Variants in DLC1 observed in about 807,000 individuals in gnomAD.
DLC1 encodes DLC1 Rho GTPase activating protein, also known as rho GTPase-activating protein 7.
DLC1 carries 54 observed loss-of-function variants against 140.3 expected under a neutral mutation model. The ratio of observed to expected loss-of-function variants is 0.38; its 90% CI spans 0.31 to 0.48. The LOEUF is 0.48. Among genes scored for constraint, DLC1 ranks in the 20% least tolerant of loss-of-function variants. The pLI is 0.96. For missense variants in DLC1, 2,536 were observed against 1,907.0 expected, an observed-to-expected ratio of 1.33 and a Z score of -6.14; for synonymous variants, 986 against 728.1, an observed-to-expected ratio of 1.35 and a Z score of -5.70.
chr8:13,232,634 G>C (rs559153083), intron 5 of DLC1, among the ~76,000 whole-genome samples: 1 of 152,114 alleles, frequency 6.6e-6, no homozygotes, highest in South Asian at 2.1e-4. Flanking sequence ...CCCCGCCTCT[G>C]CTACAGTCTT....
At chr8:13,546,744 A>T (rs1803660639) in intron 1 of DLC1, among the ~76,000 whole-genome samples, 1 of 152,148 alleles carries the variant, frequency 6.6e-6, no homozygotes, top group African/African-American at 2.4e-5. Context: ...TGTCTTAGTA[A>T]ATGGCTCTAA....
intron 2 of DLC1, among the ~76,000 whole-genome samples, chr8:13,488,714 A>C (rs1801090878): frequency 6.6e-6 from 1 of 152,198 alleles, no homozygotes; most frequent in Non-Finnish European, 1.5e-5. Context: ...GTTGAAACCT[A>C]ATTAAGATAT....
At chr8:13,395,653 G>A (rs532242042) in intron 3 of DLC1, among the ~76,000 whole-genome samples, 42 of 152,260 alleles carry the variant, frequency 2.8e-4, no homozygotes, top group African/African-American at 9.6e-4. Context: ...GTAAAATTAT[G>A]TGATCAAAAG....
intron 6 of DLC1, among the ~76,000 whole-genome samples, chr8:13,111,487 C>A (rs1298516692): frequency 6.6e-6 from 1 of 152,126 alleles, no homozygotes; most frequent in Non-Finnish European, 1.5e-5. Flanking sequence ...TCATTCAGTT[C>A]TCTCGAGACA....
chr8:13,431,227 G>A (rs1461586038), intron 2 of DLC1, among the ~76,000 whole-genome samples: 2 of 152,240 alleles, frequency 1.3e-5, no homozygotes, highest in South Asian at 2.1e-4. Flanking sequence ...GCTCACGCCT[G>A]TAATCCCAGC....
intron 4 of DLC1, among the ~76,000 whole-genome samples, chr8:13,388,101 A>G (rs1836602062): frequency 6.6e-6 from 1 of 152,112 alleles, no homozygotes; most frequent in African/African-American, 2.4e-5. Flanking sequence ...GTTGATTAAT[A>G]AATTCCAGAA....
At chr8:13,283,886 C>G (rs1831452524) in intron 5 of DLC1, among the ~76,000 whole-genome samples, 1 of 152,118 alleles carries the variant, frequency 6.6e-6, no homozygotes, top group African/African-American at 2.4e-5. Flanking sequence ...GACAGAGTAT[C>G]AAAGAAGATG....
intron 2 of DLC1, among the ~76,000 whole-genome samples, chr8:13,466,250 C>T (rs1414362523): frequency 1.3e-5 from 2 of 152,226 alleles, no homozygotes; most frequent in Admixed American, 1.3e-4. Context: ...TGCTACCTAC[C>T]TGCTCGCTGA....
chr8:13,313,539 G>T (rs1832760758), intron 4 of DLC1, among the ~76,000 whole-genome samples: 1 of 152,100 alleles, frequency 6.6e-6, no homozygotes, highest in South Asian at 2.1e-4. Context: ...AAAGGAAATT[G>T]CTGCATGGGA....
At chr8:13,144,350 T>C (rs892197000) in intron 5 of DLC1, among the ~76,000 whole-genome samples, 3 of 152,202 alleles carry the variant, frequency 2.0e-5, no homozygotes, top group African/African-American at 7.2e-5. Flanking sequence ...TCAGATTCCT[T>C]GGTTCTGAGG....
intron 1 of DLC1, among the ~76,000 whole-genome samples, chr8:13,502,607 C>G (rs1037973503): frequency 2.6e-5 from 4 of 152,096 alleles, no homozygotes; most frequent in African/African-American, 9.7e-5. Context: ...GTTTATAGGT[C>G]TCATTTCCTA....
At chr8:13,296,304 G>T (rs1314193372) in intron 5 of DLC1, among the ~76,000 whole-genome samples, 1 of 151,976 alleles carries the variant, frequency 6.6e-6, no homozygotes, top group African/African-American at 2.4e-5. Context: ...TGATAAAATG[G>T]ATACAAAAGG....
At chr8:13,332,193 A>G (rs1038272613) in intron 4 of DLC1, among the ~76,000 whole-genome samples, 1 of 152,232 alleles carries the variant, frequency 6.6e-6, no homozygotes, top group South Asian at 2.1e-4. Context: ...TTTGAAAATC[A>G]TTGTAAAGTG....
At chr8:13,154,987 G>A (rs887487335) in intron 5 of DLC1, among the ~76,000 whole-genome samples, 9 of 151,946 alleles carry the variant, frequency 5.9e-5, no homozygotes, top group South Asian at 2.1e-4. Flanking sequence ...TGAAACTTTC[G>A]TATATGAGGT....
chr8:13,126,365 C>CCACACACACA (rs974648895), intron 5 of DLC1, among the ~76,000 whole-genome samples: 100 of 106,576 alleles, frequency 9.4e-4, no homozygotes, highest in African/African-American at 4.7e-3. Context: ...ATCTCTCTAT[C>CCACACACACA]CATACACACA....
intron 1 of DLC1, among the ~76,000 whole-genome samples, chr8:13,541,909 T>A (rs1003803528): frequency 4.6e-5 from 7 of 152,170 alleles, no homozygotes; most frequent in African/African-American, 1.4e-4. Flanking sequence ...TTTACCCAAT[T>A]TTCTACTTGG....
At chr8:13,092,567 T>A (rs907762073) in intron 13 of DLC1, 45 bp downstream of exon 13, 8 of 1,578,342 alleles carry the variant, frequency 5.1e-6, no homozygotes, top group Non-Finnish European at 6.0e-6. Flanking sequence ...CTAGGAAGAA[T>A]GTAGGCTGCC....
intron 10 of DLC1, 169 bp from the exon 11 acceptor site, chr8:13,095,414 G>T: frequency 2.6e-6 from 2 of 769,012 alleles, no homozygotes; most frequent in Non-Finnish European, 4.1e-6. Context: ...AGTGGTACTG[G>T]CCACACTTCA....
intron 2 of DLC1, among the ~76,000 whole-genome samples, chr8:13,444,334 G>T (rs1054952297): frequency 9.9e-5 from 15 of 152,090 alleles, no homozygotes; most frequent in African/African-American, 3.4e-4. Context: ...AGCATTAGGA[G>T]AAATACCTAA....
Sources: gnomAD v4.1 joint callset for allele counts (sites outside exome capture counted in the v4.1 genomes callset) on GRCh38, gnomAD v4.1.1 for gene constraint, MANE v1.5 for transcripts, NCBI Gene and HGNC (gene_info 2026-07-23, HGNC 2026-07-21) for gene names.